CCM2: variants seen among roughly 807,000 people sequenced by gnomAD.
CCM2 encodes CCM2 scaffold protein.
CCM2 carries 25 observed loss-of-function variants against 44.9 expected under a neutral mutation model. The observed-to-expected ratio is 0.56, with a 90% CI of 0.41 to 0.78. The LOEUF is 0.78. Among genes scored for constraint, CCM2 ranks in the 30% least tolerant of loss-of-function variants. The pLI is 0.00. For missense variants in CCM2, 481 were observed against 580.6 expected (o/e 0.83, Z 1.76); for synonymous variants, 219 against 241.1 (o/e 0.91, Z 0.85).
At chr7:45,009,302 A>G (rs1795972459) in intron 1 of CCM2, among the ~76,000 whole-genome samples, 2 of 73,878 alleles carry the variant, frequency 2.7e-5, no homozygotes, top group Non-Finnish European at 5.2e-5. Context: ...CTCTGTCTCA[A>G]AAAAAAAAAA....
chr7:45,057,880 T>C (rs541961716), intron 2 of CCM2, among the ~76,000 whole-genome samples: 2 of 152,206 alleles, frequency 1.3e-5, no homozygotes, highest in Non-Finnish European at 2.9e-5. Flanking sequence ...TACATTTCCT[T>C]ATGGAGCTGC....
chr7:45,074,092 G>T, intron 8 of CCM2, 178 bp from the exon 9 acceptor site: 1 of 1,409,794 alleles, frequency 7.1e-7, no homozygotes, highest in Non-Finnish European at 9.5e-7. Flanking sequence ...GGGTGGCCCC[G>T]TGCCAGGTCT....
intron 1 of CCM2, among the ~76,000 whole-genome samples, chr7:45,009,653 C>T (rs1795990963): frequency 6.6e-6 from 1 of 152,112 alleles, no homozygotes; most frequent in Admixed American, 6.5e-5. Flanking sequence ...ATCCGCCCAC[C>T]TCGGCCTCCC....
intron 1 of CCM2, among the ~76,000 whole-genome samples, chr7:45,018,911 C>T (rs72597417): frequency 0.13 from 19,979 of 151,794 alleles, 1,611 homozygotes; most frequent in Admixed American, 0.2. Flanking sequence ...AGGCATGCAC[C>T]ACCATGCCAG....
chr7:45,034,683 T>C (rs192292763), intron 1 of CCM2, among the ~76,000 whole-genome samples: 2 of 151,282 alleles, frequency 1.3e-5, no homozygotes, highest in Admixed American at 1.3e-4. Flanking sequence ...CACACCCAGC[T>C]AATTTTTGTT....
intron 1 of CCM2, among the ~76,000 whole-genome samples, chr7:45,025,575 C>G (rs1381513708): frequency 6.6e-6 from 1 of 150,892 alleles, no homozygotes; most frequent in Non-Finnish European, 1.5e-5. Context: ...CTCTTGTTGC[C>G]CAGGCTGGAG....
Position 45,069,973 on chromosome 7 carries a change from G to T in CCM2, c.745+12G>T. On this transcript the variant is annotated intron_variant, in intron 6 of 9. Coordinates refer to ENST00000258781, the MANE Select transcript of CCM2 (RefSeq NM_031443.4). ...GTCCCTGCACAGCGGTATGTTGAGT[G>T]AGAGTGGGCAGCGGGTGGGAGCAGG... is the stretch of plus-strand genomic sequence containing the variant. 1 of 1,613,488 alleles carries T rather than the reference G, an allele frequency of 6.2e-7. No homozygotes were observed.
intron 1 of CCM2, among the ~76,000 whole-genome samples, chr7:45,001,297 A>G (rs1795616258): frequency 6.6e-6 from 1 of 152,200 alleles, no homozygotes; most frequent in Non-Finnish European, 1.5e-5. Flanking sequence ...CTGGTTCTCT[A>G]CTTTCTCAAC....
In CCM2 at chr7:45,076,386, CA is replaced by C. The variant is rs1475471563; in HGVS notation, c.*330del. 2.0e-6 allele frequency: 1 copy of C among 502,978 alleles called. No individual in the cohort carries two copies. Among genetic ancestry groups the C allele is most frequent in the Non-Finnish European group, 3.7e-6 (1 of 268,574 alleles). The allele number at this position is 502,978 out of a possible 1,614,324, so 31.2% of individuals were successfully genotyped here. ...GGCCCTTGGACGGCTGTCAGTTTTG[CA>C]CATGATGTTCCTATTGTAACTCTCA... is the stretch of plus-strand genomic sequence containing the variant. On this transcript the variant is annotated 3_prime_UTR_variant, in exon 10 of 10. Transcript: ENST00000258781.
chr7:45,050,213 GT>G (rs1797939305), intron 2 of CCM2, among the ~76,000 whole-genome samples: 1 of 152,200 alleles, frequency 6.6e-6, no homozygotes, highest in Non-Finnish European at 1.5e-5. Context: ...TGCTGTACAG[GT>G]TGTAGCCTGG....
intron 1 of CCM2, among the ~76,000 whole-genome samples, chr7:45,031,268 G>A (rs1796953251): frequency 6.7e-6 from 1 of 150,320 alleles, no homozygotes; most frequent in Admixed American, 6.7e-5. Flanking sequence ...TGTAATCCCA[G>A]ATACTCGGGA....
chr7:45,069,894 C>T lies in CCM2; in HGVS notation c.678C>T (p.Ile226=), dbSNP rs762389537. ...VFQVVYTEST[I]DFLDRAIFDG... ...AGGTTGTTTACACGGAGTCCACCATCGACTTTCTGGACAGAGCGATATTTG... is the reference window on the plus strand; with the variant it reads ...AGGTTGTTTACACGGAGTCCACCATTGACTTTCTGGACAGAGCGATATTTG... Residue 226 remains isoleucine (I), a synonymous_variant, in exon 6 of 10, where the codon ATC becomes ATT. Transcript: ENST00000258781. 1.9e-5 allele frequency: 31 copies of T among 1,614,040 alleles called. No homozygotes were observed. Among genetic ancestry groups the T allele is most frequent in the Non-Finnish European group, 2.5e-5 (30 of 1,180,026 alleles).
intron 1 of CCM2, among the ~76,000 whole-genome samples, chr7:45,004,678 C>CT (rs1202550369): frequency 2.6e-4 from 39 of 152,306 alleles, no homozygotes; most frequent in African/African-American, 7.7e-4. Flanking sequence ...CTTAAACGCT[C>CT]TGATTTTTTA....
chr7:45,073,968 T>C, intron 8 of CCM2: 1 of 548,812 alleles, frequency 1.8e-6, no homozygotes, highest in East Asian at 3.2e-5. Flanking sequence ...GCACAGGCAT[T>C]GGCCCCGGGC....
At chr7:45,006,983 A>G (rs1200560075) in intron 1 of CCM2, among the ~76,000 whole-genome samples, 1 of 152,222 alleles carries the variant, frequency 6.6e-6, no homozygotes, top group African/African-American at 2.4e-5. Context: ...CAGTTTGTAG[A>G]TAGAAGTGCA....
intron 1 of CCM2, among the ~76,000 whole-genome samples, chr7:45,034,728 C>A (rs1185866644): frequency 6.6e-6 from 1 of 151,836 alleles, no homozygotes; most frequent in African/African-American, 2.4e-5. Flanking sequence ...CCATCTTGGC[C>A]AGGCTGGTCT....
rs189151586 is a variant in CCM2 at position 45,024,066 on chromosome 7, C to T, written c.31-14187C>T. Among the ~76,000 whole-genome samples, 296 of 152,222 alleles carry T rather than the reference C, an allele frequency of 1.9e-3. 1 individual carries two copies. Among genetic ancestry groups the T allele is most frequent in the African/African-American group, 6.1e-3 (255 of 41,534 alleles). On this transcript the variant is annotated intron_variant, in intron 1 of 9. Transcript: ENST00000258781. Reference sequence around the variant, plus strand: ...CATCAGGTGATCCTCCTGCCTTGGCCTCCCAAAGTGCTGGGATTACAGGCA... The same window carrying T: ...CATCAGGTGATCCTCCTGCCTTGGCTTCCCAAAGTGCTGGGATTACAGGCA...
intron 2 of CCM2, among the ~76,000 whole-genome samples, chr7:45,053,018 A>G (rs1176638597): frequency 6.6e-6 from 1 of 152,240 alleles, no homozygotes; most frequent in Admixed American, 6.5e-5. Context: ...AAGTGGGCAG[A>G]TGGCCACCAG....
chr7:45,039,411 C>T lies in CCM2; in HGVS notation c.204+985C>T, dbSNP rs184843061. On this transcript the variant is annotated intron_variant, in intron 2 of 9. Transcript: ENST00000258781. ...GGAAGTTAAGCAGCCCCTACTGGCC[C>T]TTGGGTTTACCCAACCAACCAGCCT... 1.6e-4 allele frequency among the ~76,000 whole-genome samples: 25 copies of T among 152,308 alleles called. No homozygotes were observed. The East Asian group carries it at 4.6e-3, about 28-fold the overall frequency.
Sources: allele counts gnomAD v4.1 joint callset (sites outside exome capture counted in the v4.1 genomes callset), GRCh38; gene constraint gnomAD v4.1.1; transcripts MANE v1.5; gene names NCBI Gene and HGNC (gene_info 2026-07-23, HGNC 2026-07-21).